The following FHOD3 variants were observed in gnomAD, a reference collection of about 807,000 sequenced individuals.
FHOD3 encodes FH1/FH2 domain-containing protein 3.
In FHOD3, 90 loss-of-function variants were observed where a neutral mutation model predicts 173.0. The observed-to-expected ratio is 0.52, with a 90% CI of 0.44 to 0.62. The LOEUF (loss-of-function observed/expected upper bound fraction) is 0.62. Among genes scored for constraint, FHOD3 ranks in the 20% least tolerant of loss-of-function variants. The pLI is 0.00. For missense variants in FHOD3, 1,945 were observed against 2,034.7 expected (o/e 0.96, Z 0.85); for synonymous variants, 828 against 823.0 (o/e 1.01, Z -0.10).
chr18:36,385,542 G>A (rs576684695), intron 3 of FHOD3, among the ~76,000 whole-genome samples: 17 of 152,090 alleles, frequency 1.1e-4, no homozygotes, highest in African/African-American at 3.6e-4. Flanking sequence ...GATTATAGGC[G>A]CCCACCACCA....
intron 19 of FHOD3, among the ~76,000 whole-genome samples, chr18:36,725,044 A>G (rs1178840169): frequency 1.3e-5 from 2 of 152,112 alleles, no homozygotes; most frequent in Admixed American, 6.5e-5. Flanking sequence ...CCCACACACT[A>G]TCTCATGTCC....
chr18:36,438,250 C>T (rs2050926919), intron 3 of FHOD3, among the ~76,000 whole-genome samples: 1 of 152,194 alleles, frequency 6.6e-6, no homozygotes, highest in South Asian at 2.1e-4. Flanking sequence ...CCAGCAGGCC[C>T]CTCAGCTCTC....
At position 36,718,374 on chromosome 18, in the gene FHOD3, C is replaced by T; in HGVS notation, c.3076C>T (p.Pro1026Ser). The T allele has an allele frequency of 6.3e-7, 1 of 1,589,200 alleles. No homozygotes were observed. The highest frequency in any genetic ancestry group is 8.6e-7 in the Non-Finnish European group (1 of 1,167,082). The change falls in exon 19 of 29, where the codon CCA becomes TCA. Residue 1026 changes from proline to serine, a missense_variant. By Grantham distance (74) the Pro-to-Ser change is moderately conservative (BLOSUM62 -1). Coordinates refer to ENST00000590592, the MANE Select transcript of FHOD3 (RefSeq NM_001281740.3). ...GGCCCCTGGGCCACCTCCCCCACCC[C>T]CACCCACCTTTCTGGGTTTGCCGCC... ...REAPGPPPPPPPTFLGLPPPP... is the reference protein window; with the variant it reads ...REAPGPPPPPSPTFLGLPPPP...
At chr18:36,431,566 A>T (rs975670964) in intron 3 of FHOD3, among the ~76,000 whole-genome samples, 4 of 152,214 alleles carry the variant, frequency 2.6e-5, no homozygotes, top group Non-Finnish European at 5.9e-5. Flanking sequence ...TGATGGCTGC[A>T]TTGAAGCTAT....
chr18:36,575,709 T>C (rs1486700607), intron 5 of FHOD3, among the ~76,000 whole-genome samples: 1 of 152,228 alleles, frequency 6.6e-6, no homozygotes, highest in African/African-American at 2.4e-5. Context: ...CTTCTGTTTG[T>C]TCATTATCTA....
chr18:36,602,095 A>T (rs1164203567), intron 7 of FHOD3, among the ~76,000 whole-genome samples: 1 of 152,188 alleles, frequency 6.6e-6, no homozygotes, highest in Non-Finnish European at 1.5e-5. Flanking sequence ...GCTTATGCCT[A>T]GCTGCTCCAT....
In FHOD3 at chr18:36,649,314, A is replaced by C; in HGVS notation, c.1197-2A>C. On this transcript the variant is annotated splice_acceptor_variant, in intron 10 of 28. Coordinates refer to ENST00000590592, the MANE Select transcript of FHOD3 (RefSeq NM_001281740.3). LOFTEE classifies it high-confidence loss of function. The stretch of plus-strand genomic sequence containing the variant: ...ATTTCTCTTTTCCTGGCTTTGTCTC[A>C]GGGAGGAGGAGGAGGAAGAGGAGCA... 1 of 1,534,834 alleles carries C rather than the reference A, an allele frequency of 6.5e-7. No individual in the cohort carries two copies. Among genetic ancestry groups the C allele is most frequent in the Non-Finnish European group, 8.7e-7 (1 of 1,146,224 alleles).
At chr18:36,602,867 T>C in intron 8 of FHOD3, 99 bp downstream of exon 8, 1 of 916,258 alleles carries the variant, frequency 1.1e-6, no homozygotes, top group Non-Finnish European at 1.8e-6. Flanking sequence ...TTGGAAATAG[T>C]GTCGTAGCAG....
chr18:36,374,335 A>G (rs1411543040), intron 3 of FHOD3, among the ~76,000 whole-genome samples: 1 of 152,240 alleles, frequency 6.6e-6, no homozygotes, highest in African/African-American at 2.4e-5. Context: ...ACCAGGACAC[A>G]CATGCTCCCT....
intron 1 of FHOD3, among the ~76,000 whole-genome samples, chr18:36,323,278 C>T (rs1329325208): frequency 6.6e-6 from 1 of 152,196 alleles, no homozygotes; most frequent in African/African-American, 2.4e-5. Flanking sequence ...CCACGTAACA[C>T]CAGGGCAAAG....
intron 13 of FHOD3, among the ~76,000 whole-genome samples, chr18:36,655,416 A>G (rs1482459163): frequency 6.6e-6 from 1 of 151,886 alleles, no homozygotes; most frequent in Non-Finnish European, 1.5e-5. Context: ...CTTCACCGCT[A>G]TTTATAGTCG....
intron 10 of FHOD3, among the ~76,000 whole-genome samples, chr18:36,642,566 G>C (rs933867363): frequency 1.9e-5 from 2 of 107,816 alleles, no homozygotes; most frequent in Non-Finnish European, 1.7e-5. Context: ...CTGGGCAAAA[G>C]AGCGAGACTC....
chr18:36,513,515 A>G (rs1442753891), intron 5 of FHOD3, among the ~76,000 whole-genome samples: 7 of 152,034 alleles, frequency 4.6e-5, no homozygotes, highest in Non-Finnish European at 1.0e-4. Context: ...AACTACCAAA[A>G]CCTTCCTTTC....
chr18:36,589,785 C>T (rs1013924291), intron 6 of FHOD3, among the ~76,000 whole-genome samples: 1 of 152,124 alleles, frequency 6.6e-6, no homozygotes, highest in African/African-American at 2.4e-5. Context: ...CTGCTTGTTG[C>T]CCTGTACTCC....
chr18:36,583,233 T>G (rs2058916161), intron 6 of FHOD3, among the ~76,000 whole-genome samples: 1 of 152,072 alleles, frequency 6.6e-6, no homozygotes, highest in South Asian at 2.1e-4. Flanking sequence ...TTCATTGGGG[T>G]CACAAGGCCT....
chr18:36,409,345 C>T (rs1223314632), intron 3 of FHOD3, among the ~76,000 whole-genome samples: 1 of 152,198 alleles, frequency 6.6e-6, no homozygotes, highest in Non-Finnish European at 1.5e-5. Flanking sequence ...GCAGCGGAAG[C>T]TCTTCATCCA....
At chr18:36,328,422 A>G (rs1346515081) in intron 1 of FHOD3, among the ~76,000 whole-genome samples, 1 of 152,094 alleles carries the variant, frequency 6.6e-6, no homozygotes, top group Non-Finnish European at 1.5e-5. Flanking sequence ...TGTTTGAGAC[A>G]CAGCTGGGAA....
At chr18:36,580,074 C>A (rs931496420) in intron 6 of FHOD3, among the ~76,000 whole-genome samples, 2 of 152,132 alleles carry the variant, frequency 1.3e-5, no homozygotes, top group African/African-American at 4.8e-5. Flanking sequence ...AATAAACACA[C>A]AGGAAAATCT....
intron 1 of FHOD3, among the ~76,000 whole-genome samples, chr18:36,307,925 C>T (rs914799590): frequency 2.0e-5 from 3 of 152,194 alleles, no homozygotes; most frequent in African/African-American, 7.2e-5. Flanking sequence ...AACATCTATT[C>T]ATAATAATAT....
Sources: allele counts gnomAD v4.1 joint callset (sites outside exome capture counted in the v4.1 genomes callset), GRCh38; gene constraint gnomAD v4.1.1; transcripts MANE v1.5; gene names NCBI Gene and HGNC (gene_info 2026-07-23, HGNC 2026-07-21).